AFF4: variants seen among roughly 807,000 people sequenced by gnomAD.
AFF4 encodes ALF transcription elongation factor 4.
AFF4 carries 13 observed loss-of-function variants against 124.8 expected under a neutral mutation model. The observed-to-expected ratio is 0.10, with a 90% CI of 0.07 to 0.17. The LOEUF (loss-of-function observed/expected upper bound fraction) is 0.17, where lower values mean the gene tolerates loss of function less well. Ranked by LOEUF, AFF4 falls within the 10% of genes least tolerant of loss-of-function variation. AFF4 has a pLI of 1.00. For missense variants in AFF4, 1,092 were observed against 1,403.8 expected (o/e 0.78, Z 3.55); for synonymous variants, 477 against 496.1 (o/e 0.96, Z 0.51).
chr5:132,904,642 T>C (rs1401969756), intron 5 of AFF4, among the ~76,000 whole-genome samples: 2 of 152,214 alleles, frequency 1.3e-5, no homozygotes, highest in Non-Finnish European at 1.5e-5. Flanking sequence ...GCAGCATCCA[T>C]TGTAGTCATA....
intron 5 of AFF4, chr5:132,926,228 G>T: frequency 2.1e-6 from 1 of 487,182 alleles, no homozygotes; most frequent in Non-Finnish European, 4.1e-6. Flanking sequence ...TAGGAAAGGA[G>T]CTCTGTTGGG....
chr5:132,882,854 CAA>C (rs59412090), intron 20 of AFF4, among the ~76,000 whole-genome samples: 5 of 123,458 alleles, frequency 4.0e-5, no homozygotes, highest in Admixed American at 8.6e-5. Flanking sequence ...AACTCCATCT[CAA>C]AAAAAAAAAA....
chr5:132,938,940 T>TAAA (rs1761498967), intron 1 of AFF4, among the ~76,000 whole-genome samples: 1 of 13,198 alleles, frequency 7.6e-5, no homozygotes, highest in Admixed American at 1.5e-3. Flanking sequence ...GAGACTCATC[T>TAAA]CAAAAAAAAA....
At chr5:132,946,608 A>G (rs894901467) in intron 1 of AFF4, among the ~76,000 whole-genome samples, 1 of 152,222 alleles carries the variant, frequency 6.6e-6, no homozygotes, top group Non-Finnish European at 1.5e-5. Context: ...ATTCTACTTA[A>G]TATGAGGCAC....
Position 132,934,734 on chromosome 5 carries a change from C to T in AFF4, c.331G>A (p.Val111Ile), listed in dbSNP as rs1329229939. Residue 111 changes from valine (V) to isoleucine (I), a missense_variant, in exon 3 of 21, where the codon GTA becomes ATA. Val to Ile is a conservative substitution (Grantham distance 29). Transcript: ENST00000265343. ...TGAGAAGTGCTGGGTGCGGGTCCTACTGGAGTCCATTTGCTACTCTGATGA... is the reference window on the plus strand; with the variant it reads ...TGAGAAGTGCTGGGTGCGGGTCCTATTGGAGTCCATTTGCTACTCTGATGA... ...GSHQSSKWTP[V>I]GPAPSTSQSQ... 2 of 1,614,144 alleles carry T rather than the reference C, an allele frequency of 1.2e-6. No individual in the cohort carries two copies. The highest frequency in any genetic ancestry group is 2.2e-5 in the East Asian group (1 of 44,886).
chr5:132,901,011 A>C (rs537518228), intron 7 of AFF4: 3 of 985,464 alleles, frequency 3.0e-6, no homozygotes, highest in South Asian at 9.4e-5. Flanking sequence ...TACATATTAA[A>C]CACCACCTTG....
intron 1 of AFF4, among the ~76,000 whole-genome samples, chr5:132,950,473 CAATAAATA>C (rs59564701): frequency 0.12 from 17,446 of 151,672 alleles, 1,261 homozygotes; most frequent in South Asian, 0.2. Context: ...AACTCCATCT[CAATAAATA>C]AATAAATAAA....
intron 1 of AFF4, among the ~76,000 whole-genome samples, chr5:132,952,609 T>C (rs1273185405): frequency 2.6e-5 from 4 of 152,142 alleles, no homozygotes; most frequent in Admixed American, 6.6e-5. Context: ...AATATCTCTA[T>C]GTGGCCAGGC....
chr5:132,895,808 G>A (rs544982077), intron 11 of AFF4, among the ~76,000 whole-genome samples: 1 of 152,200 alleles, frequency 6.6e-6, no homozygotes, highest in Non-Finnish European at 1.5e-5. Flanking sequence ...AATTATCTTG[G>A]AAGTATTTAG....
chr5:132,956,219 T>G (rs574539725), intron 1 of AFF4, among the ~76,000 whole-genome samples: 144 of 152,096 alleles, frequency 9.5e-4, no homozygotes, highest in African/African-American at 3.4e-3. Flanking sequence ...GGCCATATAG[T>G]CACAATTACT....
chr5:132,905,757 G>A (rs1760658845), intron 5 of AFF4, among the ~76,000 whole-genome samples: 1 of 152,136 alleles, frequency 6.6e-6, no homozygotes, highest in African/African-American at 2.4e-5. Flanking sequence ...AAATCTAAAT[G>A]ACCTGGGATT....
chr5:132,927,678 G>C (rs2150093564), intron 4 of AFF4: 1 of 153,786 alleles, frequency 6.5e-6, no homozygotes, highest in East Asian at 1.9e-4. Context: ...CCTCTATTTA[G>C]GATGAAACTG....
Position 132,885,109 on chromosome 5 carries a change from T to C in AFF4, c.3110A>G (p.Asn1037Ser). 1 of 1,595,444 alleles carries C rather than the reference T, an allele frequency of 6.3e-7. No homozygotes were observed. The highest frequency in any genetic ancestry group is 1.1e-5 in the South Asian group (1 of 86,958). Residue 1037 changes from asparagine (N) to serine (S), a missense_variant, in exon 19 of 21, where the codon AAT (asparagine) becomes AGT (serine). Physicochemically the swap from Asn to Ser is conservative, Grantham distance 46. Transcript: ENST00000265343. ...TLTEHLKNSY[N>S]NSQAPSPGLG... is the part of the protein sequence containing the mutation. ...GCCAGGCGATGGTGCTTGAGAATTATTATAAGAATTCTGTGGAAAAAGTAA... is the reference window on the plus strand; with the variant it reads ...GCCAGGCGATGGTGCTTGAGAATTACTATAAGAATTCTGTGGAAAAAGTAA...
At chr5:132,921,413 G>GA (rs1761041620) in intron 5 of AFF4, among the ~76,000 whole-genome samples, 1 of 151,122 alleles carries the variant, frequency 6.6e-6, no homozygotes, top group African/African-American at 2.4e-5. Flanking sequence ...CCATTGGCAG[G>GA]AATAAAAAAT....
At position 132,885,877 on chromosome 5, in the gene AFF4, G is replaced by A. The variant is rs368019815; in HGVS notation, c.3099+433C>T. Among the ~76,000 whole-genome samples the A allele has an allele frequency of 1.2e-4, 18 of 152,222 alleles. No individual in the cohort carries two copies. The East Asian group carries it at 2.9e-3, about 25-fold the overall frequency. On this transcript the variant is annotated intron_variant, in intron 18 of 20. Transcript: ENST00000265343. ...CAGCCTCCGCCTCCAGGGTTCAAGC[G>A]ATTCTCCTGCCTCAGCCTCCCAAGT...
At chr5:132,957,716 T>C (rs1371597374) in intron 1 of AFF4, among the ~76,000 whole-genome samples, 2 of 151,926 alleles carry the variant, frequency 1.3e-5, no homozygotes, top group African/African-American at 4.8e-5. Flanking sequence ...TGGGTGACAG[T>C]GCAAGACTCC....
intron 5 of AFF4, among the ~76,000 whole-genome samples, chr5:132,908,388 A>G (rs1372314454): frequency 6.6e-6 from 1 of 152,126 alleles, no homozygotes; most frequent in Non-Finnish European, 1.5e-5. Flanking sequence ...GGATGCCACA[A>G]AGATATAGTT....
intron 3 of AFF4, among the ~76,000 whole-genome samples, chr5:132,933,351 C>T (rs909118622): frequency 1.3e-5 from 2 of 150,836 alleles, no homozygotes. Flanking sequence ...GAGCCGAAAT[C>T]GTGCCGTTGC....
intron 5 of AFF4, among the ~76,000 whole-genome samples, chr5:132,913,920 G>A (rs1315424637): frequency 6.6e-6 from 1 of 152,048 alleles, no homozygotes; most frequent in Non-Finnish European, 1.5e-5. Context: ...AACACAGTTA[G>A]ATATAATCCA....
Sources: gnomAD v4.1 joint callset for allele counts (sites outside exome capture counted in the v4.1 genomes callset) on GRCh38, gnomAD v4.1.1 for gene constraint, MANE v1.5 for transcripts, NCBI Gene and HGNC (gene_info 2026-07-23, HGNC 2026-07-21) for gene names.